The following GRIK4 variants were observed in gnomAD, a reference collection of about 807,000 sequenced individuals.
GRIK4 encodes glutamate receptor ionotropic, kainate 4.
Under a neutral mutation model 104.9 loss-of-function variants are expected in GRIK4, and 40 were observed. That is an observed-to-expected ratio of 0.38 (90% confidence interval 0.30 to 0.50). The LOEUF (loss-of-function observed/expected upper bound fraction) is 0.50, where lower values mean the gene tolerates loss of function less well. Ranked by LOEUF, GRIK4 falls within the 20% of genes least tolerant of loss-of-function variation. The probability of loss-of-function intolerance (pLI) is 0.93; values close to 1 mark genes in which losing one functional copy is unlikely to be tolerated. For synonymous variants in GRIK4, 485 were observed against 524.9 expected (o/e 0.92, Z 1.04); for missense variants, 1,047 against 1,308.1 (o/e 0.80, Z 3.08).
intron 1 of GRIK4, among the ~76,000 whole-genome samples, chr11:120,649,081 G>T (rs1216612090): frequency 6.6e-6 from 1 of 152,164 alleles, no homozygotes; most frequent in Non-Finnish European, 1.5e-5. Flanking sequence ...CCCTGCATGT[G>T]CCCTTAGGCA....
At chr11:120,572,167 C>T (rs1948408951) in intron 1 of GRIK4, among the ~76,000 whole-genome samples, 1 of 152,174 alleles carries the variant, frequency 6.6e-6, no homozygotes. Context: ...AGAGCAAGTT[C>T]TGTGTCTCTT....
chr11:120,808,644 G>C (rs941791192), intron 4 of GRIK4, among the ~76,000 whole-genome samples: 1 of 152,222 alleles, frequency 6.6e-6, no homozygotes, highest in African/African-American at 2.4e-5. Flanking sequence ...TTAGTCCCCT[G>C]TCTACTCCCA....
chr11:120,738,191 T>C (rs1444731891), intron 3 of GRIK4, among the ~76,000 whole-genome samples: 1 of 152,216 alleles, frequency 6.6e-6, no homozygotes, highest in Non-Finnish European at 1.5e-5. Flanking sequence ...TATTTCAAGA[T>C]GGAGTAAATG....
chr11:120,692,952 G>A (rs745730409), intron 3 of GRIK4, among the ~76,000 whole-genome samples: 5 of 151,854 alleles, frequency 3.3e-5, no homozygotes, highest in Non-Finnish European at 5.9e-5. Context: ...GGCTGGTCTT[G>A]AACTCTGGAT....
At chr11:120,867,132 A>G (rs1375706502) in intron 9 of GRIK4, among the ~76,000 whole-genome samples, 1 of 151,726 alleles carries the variant, frequency 6.6e-6, no homozygotes, top group Non-Finnish European at 1.5e-5. Context: ...GGCCTCCGAG[A>G]GGGAAGGGAA....
chr11:120,950,649 A>C (rs1028410258), intron 14 of GRIK4, among the ~76,000 whole-genome samples: 2 of 152,194 alleles, frequency 1.3e-5, no homozygotes, highest in Admixed American at 6.5e-5. Context: ...GTAGGAGTAT[A>C]GGCATGATCG....
chr11:120,673,748 C>G (rs1311314483), intron 3 of GRIK4, among the ~76,000 whole-genome samples: 1 of 152,230 alleles, frequency 6.6e-6, no homozygotes, highest in Non-Finnish European at 1.5e-5. Flanking sequence ...AGACCGGAAC[C>G]TGGACCTAGC....
chr11:120,673,750 G>A (rs556281177), intron 3 of GRIK4, among the ~76,000 whole-genome samples: 1 of 152,294 alleles, frequency 6.6e-6, no homozygotes, highest in African/African-American at 2.4e-5. Flanking sequence ...ACCGGAACCT[G>A]GACCTAGCAT....
At chr11:120,769,491 A>G (rs552168765) in intron 3 of GRIK4, among the ~76,000 whole-genome samples, 1 of 152,176 alleles carries the variant, frequency 6.6e-6, no homozygotes, top group Non-Finnish European at 1.5e-5. Context: ...TTAATATTTT[A>G]ATTTTATATA....
intron 3 of GRIK4, among the ~76,000 whole-genome samples, chr11:120,684,855 G>A (rs560728034): frequency 5.3e-5 from 8 of 152,230 alleles, no homozygotes; most frequent in Middle Eastern, 3.4e-3. Context: ...GACTACAGGC[G>A]CCCGCCACCG....
intron 1 of GRIK4, among the ~76,000 whole-genome samples, chr11:120,652,337 G>A (rs1463948161): frequency 6.6e-6 from 1 of 152,174 alleles, no homozygotes. Context: ...GAGCTGGTGA[G>A]CACCCAGGTT....
In GRIK4 at chr11:120,956,032, C is replaced by A. The variant is rs1444947484; in HGVS notation, c.1701-748C>A. 6.6e-6 allele frequency among the ~76,000 whole-genome samples: 1 copy of A among 152,090 alleles called. No individual in the cohort carries two copies. Among genetic ancestry groups the A allele is most frequent in the Non-Finnish European group, 1.5e-5 (1 of 68,006 alleles). ...GTGTCAGCACACCGGCTTGGTGGTT[C>A]TGAGGTAGGCTAAGGCTGGAGGGCC... On this transcript the variant is annotated intron_variant, in intron 15 of 20. Transcript: ENST00000527524. This position sits in a 1 kb window ranked among gnomAD's most constrained non-coding sequence, Gnocchi z 4.6.
chr11:120,909,246 A>T (rs1306152923), intron 13 of GRIK4, among the ~76,000 whole-genome samples: 4 of 152,236 alleles, frequency 2.6e-5, no homozygotes, highest in African/African-American at 7.2e-5. Context: ...AATGTGGGGA[A>T]ATCCTCATGG....
chr11:120,729,171 A>C (rs909697827), intron 3 of GRIK4, among the ~76,000 whole-genome samples: 1 of 152,220 alleles, frequency 6.6e-6, no homozygotes, highest in Admixed American at 6.5e-5. Flanking sequence ...GTTGACGGAC[A>C]CTTAAGTTGC....
At chr11:120,617,164 T>G (rs1003196416) in intron 1 of GRIK4, among the ~76,000 whole-genome samples, 9 of 152,160 alleles carry the variant, frequency 5.9e-5, no homozygotes, top group African/African-American at 2.2e-4. Context: ...AAATGGTCTT[T>G]TGTCTCGCAA....
chr11:120,609,906 C>T (rs114306791), intron 1 of GRIK4, among the ~76,000 whole-genome samples: 151 of 152,276 alleles, frequency 9.9e-4, no homozygotes, highest in African/African-American at 3.6e-3. Context: ...CTCCTTTCCT[C>T]GGCTCTCTCC....
At chr11:120,948,542 G>C (rs939130556) in intron 14 of GRIK4, among the ~76,000 whole-genome samples, 2 of 152,146 alleles carry the variant, frequency 1.3e-5, no homozygotes, top group African/African-American at 4.8e-5. Context: ...AAGAAAGCCT[G>C]GTATTGCCCT....
At chr11:120,829,306 C>T (rs1565378137) in intron 6 of GRIK4, among the ~76,000 whole-genome samples, 1 of 152,162 alleles carries the variant, frequency 6.6e-6, no homozygotes, top group East Asian at 1.9e-4. Flanking sequence ...GTTAGCTTTT[C>T]ACATCATCTC....
At chr11:120,972,874 G>A (rs1206064056) in intron 19 of GRIK4, among the ~76,000 whole-genome samples, 1 of 152,106 alleles carries the variant, frequency 6.6e-6, no homozygotes, top group Non-Finnish European at 1.5e-5. Flanking sequence ...CCATGCCTTA[G>A]TGAAGTGGGG....
Sources: allele counts gnomAD v4.1 joint callset (sites outside exome capture counted in the v4.1 genomes callset), GRCh38; gene constraint gnomAD v4.1.1; non-coding constraint Gnocchi (gnomAD v3.1); transcripts MANE v1.5; gene names NCBI Gene and HGNC (gene_info 2026-07-23, HGNC 2026-07-21).